The following ATP10B variants were observed in gnomAD, a reference collection of about 807,000 sequenced individuals.
The protein encoded by ATP10B is ATPase phospholipid transporting 10B (putative).
A neutral mutation model predicts 141.2 loss-of-function variants in ATP10B; 122 were observed. That is an observed-to-expected ratio of 0.86 (90% CI 0.75 to 1.00). ATP10B has a LOEUF of 1.00. Ranked by LOEUF, ATP10B falls within the 50% of genes least tolerant of loss-of-function variation. The pLI is 0.00. For missense variants in ATP10B, 1,876 were observed against 1,825.3 expected (o/e 1.03, Z -0.51); for synonymous variants, 685 against 692.0 (o/e 0.99, Z 0.16).
chr5:160,620,013 TG>T lies in ATP10B; in HGVS notation c.2416+333del, dbSNP rs530887281. 3.0e-3 allele frequency among the ~76,000 whole-genome samples: 461 copies of T among 152,286 alleles called. 5 individuals carry two copies. Among genetic ancestry groups the T allele is most frequent in the African/African-American group, 0.011 (437 of 41,560 alleles). ...AGAGTTAGGACCACAATGTGTTCCA[TG>T]GTAAGATAATGGATGTTCTAGTGCA... On this transcript the variant is annotated intron_variant, in intron 15 of 25. Coordinates refer to ENST00000327245, the MANE Select transcript of ATP10B (RefSeq NM_025153.3).
intron 1 of ATP10B, among the ~76,000 whole-genome samples, chr5:160,789,829 G>T (rs2127904983): frequency 6.6e-6 from 1 of 152,210 alleles, no homozygotes; most frequent in East Asian, 1.9e-4. Context: ...CCCAGCAGGG[G>T]GTTGGGGATG....
intron 1 of ATP10B, among the ~76,000 whole-genome samples, chr5:160,838,815 T>C (rs1482951071): frequency 6.6e-6 from 1 of 152,124 alleles, no homozygotes; most frequent in African/African-American, 2.4e-5. Context: ...TGATTCCCAG[T>C]GTTGGAGGTG....
the ATP10B span, among the ~76,000 whole-genome samples, chr5:160,895,320 A>G: frequency 6.6e-6 from 1 of 152,202 alleles, no homozygotes. Flanking sequence ...TCTCACCTGC[A>G]AAGACACACA....
At chr5:160,670,750 G>A in intron 6 of ATP10B, 83 bp from the exon 7 acceptor site, 1 of 1,242,894 alleles carries the variant, frequency 8.0e-7, no homozygotes, top group African/African-American at 1.5e-5. Context: ...GGTCCCACCA[G>A]CACCTAACTA....
intron 21 of ATP10B, 21 bp downstream of exon 21, chr5:160,602,556 A>T (rs770514372): frequency 1.2e-6 from 2 of 1,613,200 alleles, no homozygotes; most frequent in Non-Finnish European, 1.7e-6. Flanking sequence ...CCTGGGTGAG[A>T]GGACGCCATA....
chr5:160,833,048 T>C (rs1225767280), intron 1 of ATP10B, among the ~76,000 whole-genome samples: 1 of 152,192 alleles, frequency 6.6e-6, no homozygotes, highest in Non-Finnish European at 1.5e-5. Flanking sequence ...AGATTTTCTC[T>C]GAGGAGCCTG....
At chr5:160,764,087 T>C (rs1435479742) in intron 2 of ATP10B, among the ~76,000 whole-genome samples, 2 of 151,928 alleles carry the variant, frequency 1.3e-5, no homozygotes, top group Non-Finnish European at 2.9e-5. Flanking sequence ...GAAAATAAAC[T>C]TCAGGACCAG....
At chr5:160,717,942 T>A (rs2127778569) in intron 2 of ATP10B, among the ~76,000 whole-genome samples, 1 of 152,264 alleles carries the variant, frequency 6.6e-6, no homozygotes, top group South Asian at 2.1e-4. Context: ...GAATCTGGAA[T>A]GAAAACATAG....
chr5:160,870,468 A>T, the ATP10B span, among the ~76,000 whole-genome samples: 1 of 152,060 alleles, frequency 6.6e-6, no homozygotes, highest in Admixed American at 6.6e-5. Flanking sequence ...GTCTTGGATG[A>T]GATGAAAAGA....
intron 1 of ATP10B, among the ~76,000 whole-genome samples, chr5:160,819,722 CTTGT>C (rs915395962): frequency 2.6e-5 from 4 of 151,990 alleles, no homozygotes; most frequent in African/African-American, 4.8e-5. Flanking sequence ...TTTCTTTTTG[CTTGT>C]TTGTTTATGC....
chr5:160,635,362 C>T (rs556680855), intron 11 of ATP10B, among the ~76,000 whole-genome samples: 12 of 144,048 alleles, frequency 8.3e-5, no homozygotes, highest in East Asian at 4.5e-4. Context: ...GAGAGGGCTG[C>T]GAGGGGAGGT....
chr5:160,620,004 T>A (rs1758234475), intron 15 of ATP10B, among the ~76,000 whole-genome samples: 1 of 152,180 alleles, frequency 6.6e-6, no homozygotes. Flanking sequence ...AGGACCACAA[T>A]GTGTTCCATG....
At chr5:160,597,404 T>C (rs1756784432) in intron 22 of ATP10B, among the ~76,000 whole-genome samples, 2 of 152,248 alleles carry the variant, frequency 1.3e-5, no homozygotes, top group Admixed American at 1.3e-4. Flanking sequence ...TCAAGATGGA[T>C]TAAAGACTTA....
chr5:160,793,488 A>G (rs1001991939), intron 1 of ATP10B, among the ~76,000 whole-genome samples: 1 of 152,236 alleles, frequency 6.6e-6, no homozygotes, highest in Non-Finnish European at 1.5e-5. Context: ...TATTGTAAAT[A>G]CAGTCATACG....
chr5:160,569,457 G>A (rs1235028810), intron 25 of ATP10B, 39 bp downstream of exon 25: 3 of 1,604,642 alleles, frequency 1.9e-6, no homozygotes, highest in East Asian at 2.2e-5. Context: ...AAGGGAGATT[G>A]GTAATTTTAG....
the ATP10B span, among the ~76,000 whole-genome samples, chr5:160,925,512 A>G: frequency 3.3e-5 from 5 of 152,190 alleles, no homozygotes; most frequent in Admixed American, 1.3e-4. Flanking sequence ...CCATGATCCA[A>G]CCCCTTAGTC....
At chr5:160,791,182 C>T (rs1210129874) in intron 1 of ATP10B, among the ~76,000 whole-genome samples, 1 of 152,168 alleles carries the variant, frequency 6.6e-6, no homozygotes, top group African/African-American at 2.4e-5. Flanking sequence ...GGGAGCACAA[C>T]TTTGCCAACA....
the ATP10B span, among the ~76,000 whole-genome samples, chr5:160,893,607 G>A: frequency 4.6e-5 from 7 of 152,334 alleles, no homozygotes; most frequent in African/African-American, 1.7e-4. Context: ...AGGGGCAGCT[G>A]CAGGTGCAGC....
chr5:160,644,412 G>T (rs1013881879), intron 8 of ATP10B, among the ~76,000 whole-genome samples, 168 bp from the exon 9 acceptor site: 1 of 152,082 alleles, frequency 6.6e-6, no homozygotes, highest in East Asian at 1.9e-4. Context: ...TTCAAGGGTA[G>T]ATCTCTTTTT....
Sources: allele counts gnomAD v4.1 joint callset (sites outside exome capture counted in the v4.1 genomes callset), GRCh38; gene constraint gnomAD v4.1.1; transcripts MANE v1.5; gene names NCBI Gene and HGNC (gene_info 2026-07-23, HGNC 2026-07-21).